The following CTNNA2 variants were observed in gnomAD, a reference collection of about 807,000 sequenced individuals.
CTNNA2 encodes catenin alpha 2, also known as catenin alpha-2.
A neutral mutation model predicts 101.0 loss-of-function variants in CTNNA2; 42 were observed. The observed-to-expected ratio is 0.42, with a 90% confidence interval of 0.32 to 0.54. The LOEUF (loss-of-function observed/expected upper bound fraction) is 0.54. CTNNA2 is among the 20% of genes least tolerant of loss of function. The probability of loss-of-function intolerance (pLI) is 0.14; values close to 1 mark genes in which losing one functional copy is unlikely to be tolerated. For synonymous variants in CTNNA2, 450 were observed against 456.4 expected, an observed-to-expected ratio of 0.99 and a Z score of 0.18; for missense variants, 871 against 1,223.1, an observed-to-expected ratio of 0.71 and a Z score of 4.29.
At chr2:79,710,106 T>A (rs1287763161) in intron 2 of CTNNA2, among the ~76,000 whole-genome samples, 1 of 152,156 alleles carries the variant, frequency 6.6e-6, no homozygotes, top group Non-Finnish European at 1.5e-5. Flanking sequence ...TGAATCATCC[T>A]GCAGAATTGG....
At chr2:80,641,951 T>C (rs1227470516) in intron 18 of CTNNA2, among the ~76,000 whole-genome samples, 2 of 152,120 alleles carry the variant, frequency 1.3e-5, no homozygotes, top group Non-Finnish European at 2.9e-5. Flanking sequence ...AACATCACCC[T>C]ACATGAAACA....
intron 2 of CTNNA2, among the ~76,000 whole-genome samples, chr2:79,212,775 G>T (rs1308546459): frequency 3.3e-5 from 5 of 152,180 alleles, no homozygotes; most frequent in African/African-American, 1.2e-4. Flanking sequence ...AGGTATTTTA[G>T]TTTTCTGACT....
chr2:80,445,567 A>G (rs1683002494), intron 9 of CTNNA2, among the ~76,000 whole-genome samples: 1 of 152,208 alleles, frequency 6.6e-6, no homozygotes, highest in African/African-American at 2.4e-5. Flanking sequence ...AGAGTCACCA[A>G]GGGGAACATA....
chr2:80,355,202 GC>G (rs906331582), intron 7 of CTNNA2, among the ~76,000 whole-genome samples: 3 of 152,044 alleles, frequency 2.0e-5, no homozygotes, highest in Admixed American at 6.6e-5. Flanking sequence ...TCACTGTCCA[GC>G]CTGGCAATAT....
chr2:79,663,328 C>G (rs10203871), intron 2 of CTNNA2, among the ~76,000 whole-genome samples: 48,744 of 152,092 alleles, frequency 0.32, 8,482 homozygotes, highest in East Asian at 0.71. Flanking sequence ...TCATGTCATT[C>G]TCTTAAGAAT....
chr2:80,107,502 C>T (rs563848322), intron 7 of CTNNA2, among the ~76,000 whole-genome samples: 6 of 152,220 alleles, frequency 3.9e-5, no homozygotes, highest in Admixed American at 1.3e-4. Flanking sequence ...CCCATCCTGT[C>T]GCCTCTCCTG....
intron 7 of CTNNA2, among the ~76,000 whole-genome samples, chr2:80,131,154 G>C (rs531551893): frequency 1.3e-5 from 2 of 152,174 alleles, no homozygotes; most frequent in South Asian, 4.2e-4. Context: ...ACACCCCTGG[G>C]TTCAAGCAAT....
Position 80,077,318 on chromosome 2 carries a change from A to G in CTNNA2, c.1056+167521A>G, listed in dbSNP as rs140499978. Among the ~76,000 whole-genome samples the G allele has an allele frequency of 1.5e-3, 233 of 152,362 alleles. 2 individuals carry two copies. The highest frequency in any genetic ancestry group is 0.011 in the East Asian group (57 of 5,186). ...ACTATATATTTAGAATGAATTATAC[A>G]TTAATTGTTGTGGCACCTTTATTCA... On this transcript the variant is annotated intron_variant, in intron 7 of 18. Coordinates refer to ENST00000402739, the MANE Select transcript of CTNNA2 (RefSeq NM_001282597.3).
intron 12 of CTNNA2, chr2:80,572,643 T>C (rs921970875): frequency 6.6e-6 from 1 of 152,232 alleles, no homozygotes; most frequent in African/African-American, 2.4e-5. Flanking sequence ...AAAAAGTTTA[T>C]TCCCAACACG....
At chr2:79,714,717 A>C (rs1685961254) in intron 2 of CTNNA2, among the ~76,000 whole-genome samples, 1 of 152,184 alleles carries the variant, frequency 6.6e-6, no homozygotes, top group Non-Finnish European at 1.5e-5. Context: ...TCATTTATCC[A>C]GTCATGACAG....
At chr2:80,595,686 G>T (rs183079360) in intron 15 of CTNNA2, among the ~76,000 whole-genome samples, 1 of 152,054 alleles carries the variant, frequency 6.6e-6, no homozygotes, top group East Asian at 1.9e-4. Flanking sequence ...ACCTGTGGTG[G>T]TATTTCTGAG....
intron 7 of CTNNA2, among the ~76,000 whole-genome samples, chr2:79,958,469 G>A (rs1689396913): frequency 6.6e-6 from 1 of 152,146 alleles, no homozygotes; most frequent in Non-Finnish European, 1.5e-5. Flanking sequence ...AGGTCAGAGT[G>A]ATGCCATATG....
In CTNNA2 at chr2:80,581,743, A is replaced by T; in HGVS notation, c.1931A>T (p.Gln644Leu). ...EELEDDSDFE[Q>L]EDYDVRSRTS... ...CTAGAGGATGATTCTGACTTTGAGC[A>T]GGAAGATTATGATGTGCGTAGCAGG... The change falls in exon 14 of 19, where the codon CAG becomes CTG. Residue 644 changes from glutamine (Q) to leucine (L), a missense_variant. Around this residue, in one of 5 missense-constraint regions of CTNNA2, gnomAD observed 93 missense variants for 223.7 expected, o/e 0.42. Coordinates refer to ENST00000402739, the MANE Select transcript of CTNNA2 (RefSeq NM_001282597.3). 1 of 1,613,222 alleles carries T rather than the reference A, an allele frequency of 6.2e-7. No homozygotes were observed. Among genetic ancestry groups the T allele is most frequent in the South Asian group, 1.1e-5 (1 of 91,070 alleles).
At chr2:80,056,254 C>T (rs1209755365) in intron 7 of CTNNA2, among the ~76,000 whole-genome samples, 2 of 152,218 alleles carry the variant, frequency 1.3e-5, no homozygotes, top group African/African-American at 4.8e-5. Flanking sequence ...ACCCTGTAGA[C>T]ATTGCATGCA....
intron 4 of CTNNA2, among the ~76,000 whole-genome samples, chr2:79,407,953 T>C (rs1267182064): frequency 6.6e-6 from 1 of 152,072 alleles, no homozygotes; most frequent in Non-Finnish European, 1.5e-5. Context: ...AGCACACTGC[T>C]GTATCTTTGT....
chr2:80,397,032 G>A (rs981381462), intron 8 of CTNNA2, among the ~76,000 whole-genome samples: 1 of 152,170 alleles, frequency 6.6e-6, no homozygotes, highest in Non-Finnish European at 1.5e-5. Flanking sequence ...ACATGTTATT[G>A]GATGGAATGT....
chr2:80,187,689 T>C (rs1048008893), intron 7 of CTNNA2, among the ~76,000 whole-genome samples: 12 of 152,038 alleles, frequency 7.9e-5, no homozygotes, highest in African/African-American at 2.9e-4. Context: ...GCAACATCCG[T>C]AGAGGAAGAA....
chr2:80,595,624 T>G (rs1293932340), intron 15 of CTNNA2, among the ~76,000 whole-genome samples: 1 of 152,198 alleles, frequency 6.6e-6, no homozygotes, highest in African/African-American at 2.4e-5. Context: ...AAATTTTCAT[T>G]AAGATGAAAT....
rs536239983 is a variant in CTNNA2, at chr2:79,242,054, C to T, written c.-406+43978C>T. ...CCTAGTAGCTGGGATTACAGGCCCC[C>T]GCCACCACTCCTGGCTAATTTTTTG... On this transcript the variant is annotated intron_variant, in intron 2 of 21. Transcript: ENST00000466387. 1.1e-4 allele frequency among the ~76,000 whole-genome samples: 17 copies of T among 152,124 alleles called. No homozygotes were observed. In the East Asian group the frequency reaches 2.7e-3, roughly 24 times the overall value.
Sources: gnomAD v4.1 joint callset for allele counts (sites outside exome capture counted in the v4.1 genomes callset) on GRCh38, gnomAD v4.1.1 for gene constraint, gnomAD v4.1.1 regional missense constraint, MANE v1.5 for transcripts, NCBI Gene and HGNC (gene_info 2026-07-23, HGNC 2026-07-21) for gene names.